Variants in ULBP2 observed in about 807,000 individuals in gnomAD.
The protein encoded by ULBP2 is UL16-binding protein 2.
In ULBP2, 21 loss-of-function variants were observed where a neutral mutation model predicts 23.6. The observed-to-expected ratio is 0.89, with a 90% CI of 0.63 to 1.28. The LOEUF is 1.28. Among genes scored for constraint, ULBP2 ranks in the 50% most tolerant of loss-of-function variants. The pLI, the probability that ULBP2 is intolerant of heterozygous loss-of-function variation, is 0.00. For synonymous variants in ULBP2, 82 were observed against 112.8 expected, an observed-to-expected ratio of 0.73 and a Z score of 1.73; for missense variants, 251 against 306.0, an observed-to-expected ratio of 0.82 and a Z score of 1.34.
Position 149,942,054 on chromosome 6 carries a change from C to G in ULBP2, c.-19C>G. ...TCTCCTTCCATCAAGTCTCTCATCC[C>G]TAGCGCTCTGGGTCCTTAATGGCAG... On this transcript the variant is annotated 5_prime_UTR_variant, in exon 1 of 5. Transcript: ENST00000367351. 1 of 1,612,014 alleles carries G rather than the reference C, an allele frequency of 6.2e-7. No individual in the cohort carries two copies. Among genetic ancestry groups the G allele is most frequent in the Non-Finnish European group, 8.5e-7 (1 of 1,179,124 alleles).
Position 149,942,143 on chromosome 6 carries a change from G to C in ULBP2, c.71G>C (p.Arg24Pro). The change falls in exon 1 of 5, where the codon CGG becomes CCG. Residue 24 changes from arginine to proline, a missense_variant. Physicochemically the swap from Arg to Pro is moderately radical, Grantham distance 103. Coordinates refer to ENST00000367351, the MANE Select transcript of ULBP2 (RefSeq NM_025217.4). ...CTGCTCCTGCTGTCCGGCTGGTCCC[G>C]GGCTGGGCGAGCCGGTGAGTTCGTG... is the stretch of plus-strand genomic sequence containing the variant. ...PLLLLLSGWSRAGRADPHSLC... is the reference protein window; with the variant it reads ...PLLLLLSGWSPAGRADPHSLC... 1 of 1,610,180 alleles carries C rather than the reference G, an allele frequency of 6.2e-7. No individual in the cohort carries two copies. The highest frequency in any genetic ancestry group is 1.1e-5 in the South Asian group (1 of 90,684).
chr6:149,945,607 G>T (rs1443105052), intron 2 of ULBP2, 35 bp downstream of exon 2: 2 of 1,613,964 alleles, frequency 1.2e-6, no homozygotes, highest in Admixed American at 3.3e-5. Flanking sequence ...GCAGGGAACA[G>T]ATACAGTGGT....
chr6:149,948,760 C>G lies in ULBP2; in HGVS notation c.*60C>G. On this transcript the variant is annotated 3_prime_UTR_variant, in exon 5 of 5. Transcript: ENST00000367351. ...ACCAAAAGGCTCCTGTGAGCACGGTCTTGATCAAACTCGCCCTTCTGTCTG... is the reference window on the plus strand; with the variant it reads ...ACCAAAAGGCTCCTGTGAGCACGGTGTTGATCAAACTCGCCCTTCTGTCTG... 1 of 456,744 alleles carries G rather than the reference C, an allele frequency of 2.2e-6. No homozygotes were observed. The highest frequency in any genetic ancestry group is 4.4e-6 in the Non-Finnish European group (1 of 226,972). The allele number at this position is 456,744 out of a possible 1,614,324, so 28.3% of individuals were successfully genotyped here. A position where few individuals can be genotyped will look rare whatever the true frequency, so the allele number is the denominator to read the frequency against.
At chr6:149,946,305 T>C (rs1778939362) in intron 2 of ULBP2, 67 bp from the exon 3 acceptor site, 2 of 1,545,602 alleles carry the variant, frequency 1.3e-6, no homozygotes, top group East Asian at 2.3e-5. Flanking sequence ...CAGCAAATTG[T>C]AAGGGGAACA....
rs1778981869 is a variant in ULBP2, at chr6:149,948,836, T to C, written c.*136T>C. On this transcript the variant is annotated 3_prime_UTR_variant, in exon 5 of 5. Coordinates refer to ENST00000367351, the MANE Select transcript of ULBP2 (RefSeq NM_025217.4). ...ATGTCCAGTGGCCTCCAGCAGATCA[T>C]GATGACATCATGGACCCAATAGCTC... 2.2e-6 allele frequency: 1 copy of C among 454,056 alleles called. No individual in the cohort carries two copies. The highest frequency in any genetic ancestry group is 2.0e-5 in the African/African-American group (1 of 49,968). 28.1% of individuals were successfully genotyped at this position (454,056 alleles called of 1,614,324 possible).
chr6:149,946,494 T>G lies in ULBP2; in HGVS notation c.472T>G (p.Trp158Gly). ...CCTCTTTGACTCAGAGAAGAGAATG[T>G]GGACAACGGTTCATCCTGGAGCCAG... Reference protein sequence around the residue: ...FLLFDSEKRMWTTVHPGARKM... With the variant: ...FLLFDSEKRMGTTVHPGARKM... Residue 158 changes from tryptophan to glycine, a missense_variant, in exon 3 of 5, where the codon TGG (tryptophan) becomes GGG (glycine). Transcript: ENST00000367351. The G allele has an allele frequency of 6.2e-7, 1 of 1,614,132 alleles. No homozygotes were observed. The highest frequency in any genetic ancestry group is 8.5e-7 in the Non-Finnish European group (1 of 1,180,032).
Position 149,945,409 on chromosome 6 carries a change from T to G in ULBP2, c.186T>G (p.Leu62=). 5 of 1,613,846 alleles carry G rather than the reference T, an allele frequency of 3.1e-6. No individual in the cohort carries two copies. The highest frequency in any genetic ancestry group is 4.2e-6 in the Non-Finnish European group (5 of 1,179,868). ...VQGQVDEKTF[L]HYDCGNKTVT... ...GCCAGGTGGATGAAAAGACTTTTCTTCACTATGACTGTGGCAACAAGACAG... is the reference window on the plus strand; with the variant it reads ...GCCAGGTGGATGAAAAGACTTTTCTGCACTATGACTGTGGCAACAAGACAG... Residue 62 remains leucine (L), a synonymous_variant, in exon 2 of 5, where the codon CTT becomes CTG. Transcript: ENST00000367351.
In ULBP2 at chr6:149,946,511, T is replaced by G. The variant is rs748839623; in HGVS notation, c.489T>G (p.Pro163=). Residue 163 remains proline (P), a synonymous_variant, in exon 3 of 5, where the codon CCT becomes CCG. Transcript: ENST00000367351. Reference sequence around the variant, plus strand: ...AGAGAATGTGGACAACGGTTCATCCTGGAGCCAGAAAGATGAAAGAAAAGT... The same window carrying G: ...AGAGAATGTGGACAACGGTTCATCCGGGAGCCAGAAAGATGAAAGAAAAGT... ...SEKRMWTTVH[P]GARKMKEKWE... 125 of 1,614,062 alleles carry G rather than the reference T, an allele frequency of 7.7e-5. No homozygotes were observed. The highest frequency in any genetic ancestry group is 6.6e-5 in the Non-Finnish European group (78 of 1,180,048).
intron 4 of ULBP2, among the ~76,000 whole-genome samples, chr6:149,948,404 C>T (rs1286594864): frequency 6.6e-6 from 1 of 152,178 alleles, no homozygotes; most frequent in African/African-American, 2.4e-5. Flanking sequence ...TCTGCCCCAC[C>T]CCTTGCCTGT....
At chr6:149,942,183 C>T in intron 1 of ULBP2, 26 bp downstream of exon 1, 2 of 1,608,464 alleles carry the variant, frequency 1.2e-6, no homozygotes, top group South Asian at 1.1e-5. Context: ...GAGCCTAAGC[C>T]GGGCGGGGAC....
In ULBP2 at chr6:149,946,538, G is replaced by T. The variant is rs1369305193; in HGVS notation, c.516G>T (p.Trp172Cys). The change falls in exon 3 of 5, where the codon TGG becomes TGT. Residue 172 changes from tryptophan to cysteine, a missense_variant. By Grantham distance (215) the Trp-to-Cys change is radical. This residue lies in a region of ULBP2 where 248 missense variants were observed against 258.9 expected (regional missense o/e 0.96). Transcript: ENST00000367351. Reference sequence around the variant, plus strand: ...GAGCCAGAAAGATGAAAGAAAAGTGGGAGAATGACAAGGTTGTGGCCATGT... The same window carrying T: ...GAGCCAGAAAGATGAAAGAAAAGTGTGAGAATGACAAGGTTGTGGCCATGT... Reference protein sequence around the residue: ...HPGARKMKEKWENDKVVAMSF... With the variant: ...HPGARKMKEKCENDKVVAMSF... 1 of 1,614,150 alleles carries T rather than the reference G, an allele frequency of 6.2e-7. No homozygotes were observed.
Position 149,948,720 on chromosome 6 carries a change from A to G in ULBP2, c.*23-3A>G, listed in dbSNP as rs748384457. 20 of 456,586 alleles carry G rather than the reference A, an allele frequency of 4.4e-5. No homozygotes were observed. The highest frequency in any genetic ancestry group is 8.4e-5 in the Non-Finnish European group (19 of 226,982). The allele number at this position is 456,586 out of a possible 1,614,324, so 28.3% of individuals were successfully genotyped here. ...TAAACCAACATTTGTGTCCTTTCTG[A>G]AGGTTAAAGCTGATACCAAAAGGCT... On this transcript the variant is annotated splice_region_variant and splice_polypyrimidine_tract_variant and intron_variant, in intron 4 of 4. Coordinates refer to ENST00000367351, the MANE Select transcript of ULBP2 (RefSeq NM_025217.4).
Position 149,942,117 on chromosome 6 carries a change from T to TCTGCTC in ULBP2, c.51_56dup (p.Leu18_Leu19dup). Reference sequence around the variant, plus strand: ...CCAAGATCCTTCTGTGCCTCCCGCTTCTGCTCCTGCTGTCCGGCTGGTCCC... The same window carrying TCTGCTC: ...CCAAGATCCTTCTGTGCCTCCCGCTTCTGCTCCTGCTCCTGCTGTCCGGCTGGTCCC... On this transcript the variant is annotated inframe_insertion, in exon 1 of 5. Coordinates refer to ENST00000367351, the MANE Select transcript of ULBP2 (RefSeq NM_025217.4). 6.2e-7 allele frequency: 1 copy of TCTGCTC among 1,613,400 alleles called. No individual in the cohort carries two copies. The highest frequency in any genetic ancestry group is 1.7e-4 in the Middle Eastern group (1 of 6,060).
At chr6:149,943,521 C>T (rs1015809422) in intron 1 of ULBP2, among the ~76,000 whole-genome samples, 1 of 152,106 alleles carries the variant, frequency 6.6e-6, no homozygotes, top group Non-Finnish European at 1.5e-5. Context: ...CTTCTTGGTT[C>T]CCGGTGGCCC....
Position 149,942,124 on chromosome 6 carries a change from C to A in ULBP2, c.52C>A (p.Leu18Met). The A allele has an allele frequency of 6.2e-7, 1 of 1,613,028 alleles. No homozygotes were observed. The highest frequency in any genetic ancestry group is 8.5e-7 in the Non-Finnish European group (1 of 1,179,766). The change falls in exon 1 of 5, where the codon CTG (leucine) becomes ATG (methionine). Residue 18 changes from leucine to methionine, a missense_variant. Coordinates refer to ENST00000367351, the MANE Select transcript of ULBP2 (RefSeq NM_025217.4). ...KILLCLPLLLLLSGWSRAGRA... is the reference protein window; with the variant it reads ...KILLCLPLLLMLSGWSRAGRA... ...CCTTCTGTGCCTCCCGCTTCTGCTC[C>A]TGCTGTCCGGCTGGTCCCGGGCTGG...
rs776005582 is a variant in ULBP2, at chr6:149,945,526, T to A, written c.303T>A (p.Leu101=). Residue 101 remains leucine, a synonymous_variant, in exon 2 of 5, where the codon CTT becomes CTA. Transcript: ENST00000367351. ...TACTGAGAGAGGTGGTGGACATACT[T>A]ACAGAGCAACTGCGTGACATTCAGC... is the stretch of plus-strand genomic sequence containing the variant. ...NPVLREVVDI[L]TEQLRDIQLE... The A allele has an allele frequency of 1.1e-5, 17 of 1,614,040 alleles. No individual in the cohort carries two copies. The East Asian group carries it at 3.8e-4, about 36-fold the overall frequency.
rs4343924 is a variant in ULBP2, at chr6:149,942,050, A to C, written c.-23A>C. The C allele has an allele frequency of 0.97, 1,566,592 of 1,609,970 alleles. 762,298 individuals carry two copies. Among genetic ancestry groups the C allele is most frequent in the East Asian group, 1 (44,785 of 44,786 alleles). Reference sequence around the variant, plus strand: ...AGGCTCTCCTTCCATCAAGTCTCTCATCCCTAGCGCTCTGGGTCCTTAATG... The same window carrying C: ...AGGCTCTCCTTCCATCAAGTCTCTCCTCCCTAGCGCTCTGGGTCCTTAATG... On this transcript the variant is annotated 5_prime_UTR_variant, in exon 1 of 5. Transcript: ENST00000367351.
At chr6:149,947,984 G>A (rs1235929546) in intron 4 of ULBP2, among the ~76,000 whole-genome samples, 1 of 152,262 alleles carries the variant, frequency 6.6e-6, no homozygotes, top group African/African-American at 2.4e-5. Flanking sequence ...CCTTCCCACA[G>A]AAAGTGGCTT....
intron 1 of ULBP2, among the ~76,000 whole-genome samples, chr6:149,943,192 T>C (rs1274185326): frequency 6.6e-6 from 1 of 152,086 alleles, no homozygotes; most frequent in East Asian, 1.9e-4. Context: ...TTGGACCCTG[T>C]CCTAGGTTGC....
Sources: gnomAD v4.1 joint callset for allele counts (sites outside exome capture counted in the v4.1 genomes callset) on GRCh38, gnomAD v4.1.1 for gene constraint, gnomAD v4.1.1 regional missense constraint, MANE v1.5 for transcripts, NCBI Gene and HGNC (gene_info 2026-07-23, HGNC 2026-07-21) for gene names.